SEMA4D: variants seen among roughly 807,000 people sequenced by gnomAD.
SEMA4D encodes the protein semaphorin-4D.
In SEMA4D, 22 loss-of-function variants were observed where a neutral mutation model predicts 74.8. The observed-to-expected ratio is 0.29, with a 90% CI of 0.21 to 0.42. SEMA4D has a LOEUF of 0.42. Among genes scored for constraint, SEMA4D ranks in the 10% least tolerant of loss-of-function variants. The pLI is 1.00. For missense variants in SEMA4D, 937 were observed against 1,118.4 expected (o/e 0.84, Z 2.31); for synonymous variants, 445 against 463.7 (o/e 0.96, Z 0.52).
intron 2 of SEMA4D, among the ~76,000 whole-genome samples, chr9:89,449,137 C>T (rs1050469828): frequency 1.3e-5 from 2 of 152,190 alleles, no homozygotes; most frequent in Non-Finnish European, 2.9e-5. Context: ...AAGCACAGGC[C>T]CGGGAGCCCG....
At chr9:89,412,339 A>T (rs557717896) in intron 2 of SEMA4D, among the ~76,000 whole-genome samples, 7 of 152,316 alleles carry the variant, frequency 4.6e-5, no homozygotes, top group Non-Finnish European at 8.8e-5. Flanking sequence ...GCCATCCCCA[A>T]ACGAATGTGG....
At chr9:89,460,954 G>A (rs888831972) in intron 1 of SEMA4D, among the ~76,000 whole-genome samples, 9 of 152,138 alleles carry the variant, frequency 5.9e-5, no homozygotes, top group South Asian at 2.1e-4. Flanking sequence ...CCCACACCCC[G>A]CAGCAGAGAG....
Position 89,381,426 on chromosome 9 carries a change from G to C in SEMA4D, c.1447-80C>G. On this transcript the variant is annotated intron_variant, in intron 13 of 15. Coordinates refer to ENST00000422704, the MANE Select transcript of SEMA4D (RefSeq NM_001371194.2). The surrounding 1 kb of genome is among the most constrained non-coding windows in gnomAD (Gnocchi z 4.6). Reference sequence around the variant, plus strand: ...ATGGCCTCTGCTTCTGCACCAGTGTGTGGGAAGCAGCCAGAGTGTACCTTC... The same window carrying C: ...ATGGCCTCTGCTTCTGCACCAGTGTCTGGGAAGCAGCCAGAGTGTACCTTC... The C allele has an allele frequency of 1.5e-6, 2 of 1,331,638 alleles. No homozygotes were observed. The highest frequency in any genetic ancestry group is 3.2e-5 in the South Asian group (2 of 63,346). The allele number at this position is 1,331,638 out of a possible 1,614,324, so 82.5% of individuals were successfully genotyped here.
At chr9:89,390,816 G>A (rs897732812) in intron 9 of SEMA4D, among the ~76,000 whole-genome samples, 1 of 152,102 alleles carries the variant, frequency 6.6e-6, no homozygotes, top group African/African-American at 2.4e-5. Flanking sequence ...TGCCTACAGT[G>A]TGTCATTTTA....
rs77956460 is a variant in SEMA4D, at chr9:89,378,496, T to G, written c.*208A>C. On this transcript the variant is annotated 3_prime_UTR_variant, in exon 16 of 16. Transcript: ENST00000422704. ...TTCGGAACACAAGACTGGGATGCAATGCTTGTCATTTTTCCAAAAGGACAA... is the reference window on the plus strand; with the variant it reads ...TTCGGAACACAAGACTGGGATGCAAGGCTTGTCATTTTTCCAAAAGGACAA... The G allele has an allele frequency of 0.017, 9,579 of 565,930 alleles. 147 individuals carry two copies. Among genetic ancestry groups the G allele is most frequent in the Middle Eastern group, 0.031 (66 of 2,138 alleles). The allele number at this position is 565,930 out of a possible 1,614,324, so 35.1% of individuals were successfully genotyped here. A position where few individuals can be genotyped will look rare whatever the true frequency, so the allele number is the denominator to read the frequency against.
At position 89,384,836 on chromosome 9, in the gene SEMA4D, A is replaced by T. The variant is rs1838063294; in HGVS notation, c.1446+1531T>A. 5 of 985,400 alleles carry T rather than the reference A, an allele frequency of 5.1e-6. No individual in the cohort carries two copies. The South Asian group carries it at 2.3e-4, about 46-fold the overall frequency. The allele number at this position is 985,400 out of a possible 1,614,324, so 61.0% of individuals were successfully genotyped here. On this transcript the variant is annotated intron_variant, in intron 13 of 15. Coordinates refer to ENST00000422704, the MANE Select transcript of SEMA4D (RefSeq NM_001371194.2). ...CGGCACAGTCTTTTTACCACTGAAC[A>T]GCCACTTCCTGCTGCCATGGCCATG...
chr9:89,453,210 G>A (rs1855045522), intron 2 of SEMA4D, among the ~76,000 whole-genome samples: 1 of 152,200 alleles, frequency 6.6e-6, no homozygotes, highest in African/African-American at 2.4e-5. Context: ...AGGCTGGGCA[G>A]CACCCACACA....
At chr9:89,432,586 A>C (rs1244760498) in intron 2 of SEMA4D, among the ~76,000 whole-genome samples, 1 of 152,230 alleles carries the variant, frequency 6.6e-6, no homozygotes, top group Non-Finnish European at 1.5e-5. Flanking sequence ...AATGATAAAA[A>C]CAGATTTGGT....
chr9:89,391,443 A>C (rs1432130066), intron 8 of SEMA4D, 28 bp from the exon 9 acceptor site: 1 of 1,613,610 alleles, frequency 6.2e-7, no homozygotes, highest in Non-Finnish European at 8.5e-7. Context: ...TGATTATCCC[A>C]GAACACAGAG....
chr9:89,459,757 G>A (rs1293160746), intron 1 of SEMA4D, among the ~76,000 whole-genome samples: 1 of 152,142 alleles, frequency 6.6e-6, no homozygotes, highest in Non-Finnish European at 1.5e-5. Flanking sequence ...CCTAGAAGCA[G>A]GGACCAAGGT....
intron 16 of SEMA4D, among the ~76,000 whole-genome samples, chr9:89,372,163 G>T: frequency 1.7e-5 from 1 of 58,784 alleles, no homozygotes; most frequent in East Asian, 5.8e-4. Flanking sequence ...GGGTGTGTGT[G>T]TGGGGGGTGT....
At chr9:89,461,365 A>C (rs913148500) in intron 1 of SEMA4D, among the ~76,000 whole-genome samples, 1 of 152,174 alleles carries the variant, frequency 6.6e-6, no homozygotes, top group Non-Finnish European at 1.5e-5. Context: ...TATACTCTTG[A>C]CTGTGAAACT....
At chr9:89,494,095 T>C (rs1021136079) in intron 1 of SEMA4D, among the ~76,000 whole-genome samples, 11 of 152,212 alleles carry the variant, frequency 7.2e-5, no homozygotes, top group African/African-American at 2.7e-4. Context: ...AGCCAATTCA[T>C]CTGTTATTAA....
At chr9:89,430,975 T>C (rs1319903803) in intron 2 of SEMA4D, among the ~76,000 whole-genome samples, 4 of 152,194 alleles carry the variant, frequency 2.6e-5, no homozygotes, top group Admixed American at 2.6e-4. Flanking sequence ...AGACTCCATC[T>C]TGAGGGAAAA....
chr9:89,406,869 C>CA (rs1330045599), intron 2 of SEMA4D, among the ~76,000 whole-genome samples: 1 of 152,156 alleles, frequency 6.6e-6, no homozygotes, highest in African/African-American at 2.4e-5. Flanking sequence ...AACAGAACCT[C>CA]ACTCTGCTTC....
chr9:89,408,945 T>C (rs1052993799), intron 2 of SEMA4D, among the ~76,000 whole-genome samples: 11 of 152,034 alleles, frequency 7.2e-5, no homozygotes, highest in African/African-American at 2.7e-4. Context: ...TGAGCTGCCA[T>C]GGGATGGGAG....
At chr9:89,443,395 T>C (rs1406236783) in intron 2 of SEMA4D, among the ~76,000 whole-genome samples, 1 of 152,202 alleles carries the variant, frequency 6.6e-6, no homozygotes, top group Admixed American at 6.5e-5. Context: ...GGCTGCCCTG[T>C]CCACCTTCTC....
chr9:89,420,600 G>A (rs1029307069), intron 2 of SEMA4D, among the ~76,000 whole-genome samples: 2 of 152,206 alleles, frequency 1.3e-5, no homozygotes, highest in Admixed American at 6.5e-5. Flanking sequence ...CACTGGCAGC[G>A]CCTTCATCTG....
Position 89,404,087 on chromosome 9 carries a change from C to T in SEMA4D, c.107-1071G>A, listed in dbSNP as rs187212450. 2.0e-3 allele frequency among the ~76,000 whole-genome samples: 302 copies of T among 152,226 alleles called. 1 individual carries two copies. The highest frequency in any genetic ancestry group is 6.6e-3 in the African/African-American group (273 of 41,532). On this transcript the variant is annotated intron_variant, in intron 3 of 15. Coordinates refer to ENST00000422704, the MANE Select transcript of SEMA4D (RefSeq NM_001371194.2). ...CCTGCAAGCAACACCTTGCTCAGGACCCAGGGTGTAAGCTCTCAATCCACT... is the reference window on the plus strand; with the variant it reads ...CCTGCAAGCAACACCTTGCTCAGGATCCAGGGTGTAAGCTCTCAATCCACT...
Sources: allele counts gnomAD v4.1 joint callset (sites outside exome capture counted in the v4.1 genomes callset), GRCh38; gene constraint gnomAD v4.1.1; non-coding constraint Gnocchi (gnomAD v3.1); transcripts MANE v1.5; gene names NCBI Gene and HGNC (gene_info 2026-07-23, HGNC 2026-07-21).